The following SETD2 variants were observed in gnomAD, a reference collection of about 807,000 sequenced individuals.
The protein encoded by SETD2 is SET domain containing 2, histone lysine methyltransferase, also known as histone-lysine N-methyltransferase SETD2.
In SETD2, 31 loss-of-function variants were observed where a neutral mutation model predicts 242.1. The ratio of observed to expected loss-of-function variants is 0.13; its 90% confidence interval spans 0.10 to 0.17. SETD2 has a LOEUF of 0.17. Among genes scored for constraint, SETD2 ranks in the 10% least tolerant of loss-of-function variants. SETD2 has a pLI of 1.00. For synonymous variants in SETD2, 1,006 were observed against 1,066.5 expected, an observed-to-expected ratio of 0.94 and a Z score of 1.11; for missense variants, 2,481 against 3,046.3, an observed-to-expected ratio of 0.81 and a Z score of 4.37.
At chr3:47,056,791 G>A (rs1296878428) in intron 15 of SETD2, 30 bp downstream of exon 15, 1 of 1,579,068 alleles carries the variant, frequency 6.3e-7, no homozygotes, top group African/African-American at 1.3e-5. Flanking sequence ...AGACCATAAA[G>A]CAGAAAAGAA....
chr3:47,151,259 G>A (rs1454348625), intron 1 of SETD2, among the ~76,000 whole-genome samples: 2 of 152,112 alleles, frequency 1.3e-5, no homozygotes, highest in African/African-American at 2.4e-5. Flanking sequence ...TCAATGAAAT[G>A]TTAGCCTTTC....
intron 7 of SETD2, among the ~76,000 whole-genome samples, 194 bp downstream of exon 7, chr3:47,103,152 G>A (rs1229287538): frequency 1.3e-5 from 2 of 152,106 alleles, no homozygotes; most frequent in Admixed American, 6.6e-5. Flanking sequence ...ACTGATATAT[G>A]GGTGTAGTCA....
intron 1 of SETD2, among the ~76,000 whole-genome samples, chr3:47,142,461 A>G (rs1472025226): frequency 6.6e-6 from 1 of 152,132 alleles, no homozygotes; most frequent in Non-Finnish European, 1.5e-5. Context: ...GTGAGATGAC[A>G]TGGTGCCACT....
chr3:47,146,676 C>T (rs1401127189), intron 1 of SETD2, among the ~76,000 whole-genome samples: 1 of 151,760 alleles, frequency 6.6e-6, no homozygotes, highest in African/African-American at 2.4e-5. Flanking sequence ...ATGGCACATG[C>T]CTGTAATCCC....
At chr3:47,094,884 G>A (rs1274435423) in intron 9 of SETD2, among the ~76,000 whole-genome samples, 1 of 152,128 alleles carries the variant, frequency 6.6e-6, no homozygotes, top group Non-Finnish European at 1.5e-5. Context: ...AAGGCACTAA[G>A]ACCTATCCTG....
chr3:47,120,044 C>CT, intron 3 of SETD2, 138 bp downstream of exon 3: 1 of 772,726 alleles, frequency 1.3e-6, no homozygotes, highest in Non-Finnish European at 2.0e-6. Context: ...GGTAAAAACA[C>CT]TTTTTTAGAC....
intron 11 of SETD2, among the ~76,000 whole-genome samples, chr3:47,085,847 C>G (rs2041530795): frequency 6.6e-6 from 1 of 152,000 alleles, no homozygotes; most frequent in Non-Finnish European, 1.5e-5. Context: ...TTAGACCCCA[C>G]AGTTCAAATT....
In SETD2 at chr3:47,120,512, T is replaced by C. The variant is rs1348411642; in HGVS notation, c.4124A>G (p.Asn1375Ser). 1 of 1,614,024 alleles carries C rather than the reference T, an allele frequency of 6.2e-7. No homozygotes were observed. Among genetic ancestry groups the C allele is most frequent in the Non-Finnish European group, 8.5e-7 (1 of 1,179,994 alleles). The change falls in exon 3 of 21, where the codon AAT becomes AGT. Residue 1375 changes from asparagine to serine, a missense_variant. This residue lies in a region of SETD2 where 1,300 missense variants were observed against 1,259.2 expected (regional missense o/e 1.03). Transcript: ENST00000409792. ...GSVQAPEISS[N>S]SIKDTLAVNE... ...CACAGCTAAAGTGTCCTTAATGGAA[T>C]TGCTGCTTATTTCAGGTGCTTGCAC...
chr3:47,106,990 T>TTCTTTGG (rs2107700363), intron 5 of SETD2, among the ~76,000 whole-genome samples: 1 of 152,304 alleles, frequency 6.6e-6, no homozygotes, highest in African/African-American at 2.4e-5. Flanking sequence ...ATTTATCTTC[T>TTCTTTGG]TCTTTGGCAT....
At chr3:47,115,351 G>T (rs556439971) in intron 4 of SETD2, among the ~76,000 whole-genome samples, 11 of 152,084 alleles carry the variant, frequency 7.2e-5, no homozygotes, top group African/African-American at 2.4e-4. Flanking sequence ...GCTTCACAAG[G>T]TTGGCAGGAA....
chr3:47,157,870 T>C (rs2044161626), intron 1 of SETD2, among the ~76,000 whole-genome samples: 1 of 140,040 alleles, frequency 7.1e-6, no homozygotes, highest in Admixed American at 7.3e-5. Flanking sequence ...CAAAACTCCA[T>C]CTCAAAAAAA....
At chr3:47,033,328 T>C (rs1229502562) in intron 18 of SETD2, among the ~76,000 whole-genome samples, 1 of 152,226 alleles carries the variant, frequency 6.6e-6, no homozygotes, top group Non-Finnish European at 1.5e-5. Flanking sequence ...CCTCCTAACT[T>C]TCTCTGGTTG....
intron 11 of SETD2, 147 bp downstream of exon 11, chr3:47,086,048 G>A (rs1202617633): frequency 3.8e-6 from 3 of 783,176 alleles, no homozygotes; most frequent in Non-Finnish European, 5.9e-6. Flanking sequence ...TACGTTAAAG[G>A]AATGATACTG....
chr3:47,036,469 T>C (rs1454021739), intron 18 of SETD2, among the ~76,000 whole-genome samples: 1 of 151,978 alleles, frequency 6.6e-6, no homozygotes, highest in Non-Finnish European at 1.5e-5. Context: ...ACATGAGAAC[T>C]GCTGAAGCCC....
At chr3:47,064,041 T>C (rs987016842) in intron 13 of SETD2, among the ~76,000 whole-genome samples, 5 of 152,202 alleles carry the variant, frequency 3.3e-5, no homozygotes, top group African/African-American at 4.8e-5. Flanking sequence ...TCAGTATCAA[T>C]TGACTGGCAT....
intron 1 of SETD2, among the ~76,000 whole-genome samples, chr3:47,134,878 T>A (rs144896453): frequency 6.6e-6 from 1 of 152,040 alleles, no homozygotes; most frequent in Non-Finnish European, 1.5e-5. Flanking sequence ...CCCACCTCGG[T>A]CTCCCAAAGT....
rs528532925 is a variant in SETD2, at chr3:47,105,897, C to T, written c.4839+100G>A. ...CAGCCTGGGCGATAGAGCGAGACTC[C>T]GTCTCCAAAAAAAAAAAAAAAAAAA... On this transcript the variant is annotated intron_variant, in intron 6 of 20. Coordinates refer to ENST00000409792, the MANE Select transcript of SETD2 (RefSeq NM_014159.7). 7.1e-5 allele frequency: 91 copies of T among 1,276,780 alleles called. No individual in the cohort carries two copies. The East Asian group carries it at 1.8e-3, about 26-fold the overall frequency. 79.1% of individuals were successfully genotyped at this position (1,276,780 alleles called of 1,614,324 possible).
chr3:47,056,094 T>TTTTTTTAATTTA (rs1421586594), intron 15 of SETD2, among the ~76,000 whole-genome samples: 126 of 116,422 alleles, frequency 1.1e-3, no homozygotes, highest in African/African-American at 4.1e-3. Context: ...AAAACATGAT[T>TTTTTTTAATTTA]TTTATTTATT....
chr3:47,083,851 C>G lies in SETD2; in HGVS notation c.5929G>C (p.Glu1977Gln), dbSNP rs1183280787. 1.2e-6 allele frequency: 2 copies of G among 1,614,046 alleles called. No homozygotes were observed. The highest frequency in any genetic ancestry group is 1.7e-6 in the Non-Finnish European group (2 of 1,180,026). Reference protein sequence around the residue: ...GTKLEEPINEETPSQDEEEGV... With the variant: ...GTKLEEPINEQTPSQDEEEGV... The stretch of plus-strand genomic sequence containing the variant: ...TCCTCTTCATCTTGGGATGGTGTTT[C>G]TTCATTAATAGGTTCTTCTAGTTTT... Residue 1977 changes from glutamate to glutamine, a missense_variant, in exon 12 of 21, where the codon GAA becomes CAA. Physicochemically the swap from Glu to Gln is conservative, Grantham distance 29. This residue lies in a region of SETD2 where 203 missense variants were observed against 222.4 expected (regional missense o/e 0.91). Coordinates refer to ENST00000409792, the MANE Select transcript of SETD2 (RefSeq NM_014159.7).
Sources: gnomAD v4.1 joint callset for allele counts (sites outside exome capture counted in the v4.1 genomes callset) on GRCh38, gnomAD v4.1.1 for gene constraint, gnomAD v4.1.1 regional missense constraint, MANE v1.5 for transcripts, NCBI Gene and HGNC (gene_info 2026-07-23, HGNC 2026-07-21) for gene names.